The following RYR3 variants were observed in gnomAD, a reference collection of about 807,000 sequenced individuals.
The protein encoded by RYR3 is ryanodine receptor 3.
RYR3 carries 207 observed loss-of-function variants against 584.3 expected under a neutral mutation model. The ratio of observed to expected loss-of-function variants is 0.35; its 90% CI spans 0.32 to 0.40. RYR3 has a LOEUF of 0.40. Among genes scored for constraint, RYR3 ranks in the 10% least tolerant of loss-of-function variants. RYR3 has a pLI of 1.00. For synonymous variants in RYR3, 2,416 were observed against 2,248.5 expected, an observed-to-expected ratio of 1.07 and a Z score of -2.11; for missense variants, 5,616 against 6,089.2, an observed-to-expected ratio of 0.92 and a Z score of 2.59.
At chr15:33,338,030 C>T (rs554133838) in intron 1 of RYR3, among the ~76,000 whole-genome samples, 5 of 147,330 alleles carry the variant, frequency 3.4e-5, no homozygotes, top group South Asian at 4.4e-4. Context: ...CCGAAAGCTC[C>T]GCCTCTTGGG....
intron 18 of RYR3, among the ~76,000 whole-genome samples, chr15:33,610,394 A>C (rs1232105408): frequency 6.6e-6 from 1 of 152,172 alleles, no homozygotes; most frequent in Non-Finnish European, 1.5e-5. Context: ...TTTTGTATTT[A>C]AATGTCCATT....
At chr15:33,569,690 A>T (rs2057916708) in intron 12 of RYR3, among the ~76,000 whole-genome samples, 1 of 152,148 alleles carries the variant, frequency 6.6e-6, no homozygotes, top group Non-Finnish European at 1.5e-5. Flanking sequence ...AAGTGGATGT[A>T]ACATTTTACA....
intron 1 of RYR3, among the ~76,000 whole-genome samples, chr15:33,339,180 G>A (rs1006548438): frequency 2.6e-5 from 4 of 152,256 alleles, no homozygotes; most frequent in Admixed American, 6.5e-5. Context: ...AGGACCGAAG[G>A]CACTTACGTG....
Position 33,838,916 on chromosome 15 carries a change from C to G in RYR3, c.12936C>G (p.Pro4312=), listed in dbSNP as rs754510620. Reference sequence around the variant, plus strand: ...CAGAAATTATTGGCAAGGATGAACCCCCTACATTAGAGAGTACTGTACAGA... The same window carrying G: ...CAGAAATTATTGGCAAGGATGAACCGCCTACATTAGAGAGTACTGTACAGA... ...DLSEIIGKDE[P]PTLESTVQKK... is the part of the protein sequence containing the mutation. Residue 4312 remains proline (P), a synonymous_variant, in exon 89 of 104, where the codon CCC becomes CCG. Transcript: ENST00000634891. 1.9e-6 allele frequency: 3 copies of G among 1,613,702 alleles called. No individual in the cohort carries two copies. Among genetic ancestry groups the G allele is most frequent in the Non-Finnish European group, 2.5e-6 (3 of 1,179,768 alleles).
At chr15:33,847,477 G>A (rs1204274982) in intron 93 of RYR3, 1 of 152,196 alleles carries the variant, frequency 6.6e-6, no homozygotes, top group African/African-American at 2.4e-5. Context: ...CTGGCTAGAG[G>A]AGCTGCGTCA....
intron 85 of RYR3, among the ~76,000 whole-genome samples, chr15:33,828,429 C>A (rs1048913763): frequency 2.0e-5 from 3 of 152,184 alleles, no homozygotes; most frequent in Non-Finnish European, 4.4e-5. Context: ...CTAAGACAGG[C>A]CAAAGGCTAG....
intron 31 of RYR3, among the ~76,000 whole-genome samples, chr15:33,650,720 T>C (rs1223629535): frequency 6.6e-6 from 1 of 152,178 alleles, no homozygotes; most frequent in Non-Finnish European, 1.5e-5. Flanking sequence ...ATGTCAGCCT[T>C]CCCTATACGT....
rs533709476 is a variant in RYR3, at chr15:33,823,187, G to T, written c.11072+115G>T. ...TACCATAGAATTCTTGAGAGAGGAA[G>T]CACCTACTTAGAAAGCTAAGAGAGT... is the stretch of plus-strand genomic sequence containing the variant. On this transcript the variant is annotated intron_variant, in intron 81 of 103. Transcript: ENST00000634891. The T allele has an allele frequency of 9.7e-5, 74 of 766,414 alleles. No homozygotes were observed. The East Asian group carries it at 1.9e-3, about 19-fold the overall frequency. 47.5% of individuals were successfully genotyped at this position (766,414 alleles called of 1,614,324 possible).
intron 1 of RYR3, among the ~76,000 whole-genome samples, chr15:33,428,193 G>T (rs763197010): frequency 1.3e-5 from 2 of 152,138 alleles, no homozygotes; most frequent in Non-Finnish European, 2.9e-5. Flanking sequence ...TATAGATGGC[G>T]CACATTTCCT....
At chr15:33,439,955 A>T (rs2046079874) in intron 1 of RYR3, among the ~76,000 whole-genome samples, 1 of 152,170 alleles carries the variant, frequency 6.6e-6, no homozygotes, top group Non-Finnish European at 1.5e-5. Flanking sequence ...GATAAAAACG[A>T]ATTTGTTTTA....
At chr15:33,506,964 G>A (rs1353153875) in intron 3 of RYR3, among the ~76,000 whole-genome samples, 3 of 152,154 alleles carry the variant, frequency 2.0e-5, no homozygotes. Flanking sequence ...GTGGGATGGA[G>A]CATTCTTTGC....
At chr15:33,441,440 A>G (rs2046223880) in intron 1 of RYR3, among the ~76,000 whole-genome samples, 1 of 152,216 alleles carries the variant, frequency 6.6e-6, no homozygotes, top group South Asian at 2.1e-4. Context: ...TTTTCGTGAC[A>G]GCCTAATGAC....
chr15:33,502,184 T>G (rs939210274), intron 2 of RYR3, among the ~76,000 whole-genome samples: 1 of 152,170 alleles, frequency 6.6e-6, no homozygotes, highest in African/African-American at 2.4e-5. Context: ...AAAGGAAAAT[T>G]GTAGGCAGGT....
At chr15:33,814,877 G>T (rs1403825042) in intron 74 of RYR3, among the ~76,000 whole-genome samples, 1 of 140,820 alleles carries the variant, frequency 7.1e-6, no homozygotes, top group East Asian at 2.1e-4. Flanking sequence ...CTCTAGCCTG[G>T]GCAACAGAAC....
chr15:33,667,080 T>C (rs2063530287), intron 36 of RYR3, among the ~76,000 whole-genome samples: 1 of 152,164 alleles, frequency 6.6e-6, no homozygotes, highest in African/African-American at 2.4e-5. Flanking sequence ...TGGATATTTT[T>C]TCTTACAAAC....
At position 33,773,200 on chromosome 15, in the gene RYR3, G is replaced by T. The variant is rs116287973; in HGVS notation, c.9056-334G>T. Among the ~76,000 whole-genome samples, 1,053 of 152,292 alleles carry T rather than the reference G, an allele frequency of 6.9e-3. 14 individuals carry two copies. The highest frequency in any genetic ancestry group is 0.024 in the African/African-American group (977 of 41,548). Reference sequence around the variant, plus strand: ...AGGAAATATTGCCCTGGATAAAACTGGGCTAAAATGTCTCTATTGGAAACG... The same window carrying T: ...AGGAAATATTGCCCTGGATAAAACTTGGCTAAAATGTCTCTATTGGAAACG... On this transcript the variant is annotated intron_variant, in intron 63 of 103. Coordinates refer to ENST00000634891, the MANE Select transcript of RYR3 (RefSeq NM_001036.6).
chr15:33,532,245 C>T (rs893337881), intron 4 of RYR3, among the ~76,000 whole-genome samples: 2 of 152,138 alleles, frequency 1.3e-5, no homozygotes, highest in Admixed American at 1.3e-4. Context: ...CCATGGGATG[C>T]TTTATTAAGT....
rs944427443 is a variant in RYR3 at position 33,699,704 on chromosome 15, A to T, written c.6250A>T (p.Ile2084Phe). The stretch of plus-strand genomic sequence containing the variant: ...TGACACTTTCTACTTCTCCCTACAG[A>T]TTGCATTTCCAAAGATGGTTGCTAG... ...VNVLGTEKSQ[I>F]AFPKMVASCC... is the part of the protein sequence containing the mutation. The change falls in exon 41 of 104, where the codon ATT becomes TTT. Residue 2084 changes from isoleucine to phenylalanine, a missense_variant and splice_region_variant. Ile to Phe is a conservative substitution (Grantham distance 21). This residue lies in a region of RYR3 where 1,280 missense variants were observed against 1,426.2 expected (regional missense o/e 0.90). Coordinates refer to ENST00000634891, the MANE Select transcript of RYR3 (RefSeq NM_001036.6). The T allele has an allele frequency of 1.9e-6, 3 of 1,613,378 alleles. No individual in the cohort carries two copies. The African/African-American group carries it at 4.0e-5, about 22-fold the overall frequency.
intron 93 of RYR3, among the ~76,000 whole-genome samples, chr15:33,845,977 G>A (rs533879562): frequency 3.3e-5 from 5 of 152,274 alleles, no homozygotes; most frequent in East Asian, 1.9e-4. Context: ...AGCCATCTGC[G>A]AGCTCAGCTG....
Sources: gnomAD v4.1 joint callset for allele counts (sites outside exome capture counted in the v4.1 genomes callset) on GRCh38, gnomAD v4.1.1 for gene constraint, gnomAD v4.1.1 regional missense constraint, MANE v1.5 for transcripts, NCBI Gene and HGNC (gene_info 2026-07-23, HGNC 2026-07-21) for gene names.